The following CDK5RAP2 variants were observed in gnomAD, a reference collection of about 807,000 sequenced individuals.
CDK5RAP2 encodes CDK5 regulatory subunit associated protein 2, also known as CDK5 regulatory subunit-associated protein 2.
In CDK5RAP2, 147 loss-of-function variants were observed where a neutral mutation model predicts 232.9. The ratio of observed to expected loss-of-function variants is 0.63; its 90% CI spans 0.55 to 0.72. The LOEUF (loss-of-function observed/expected upper bound fraction) is 0.72, where lower values mean the gene tolerates loss of function less well. Among genes scored for constraint, CDK5RAP2 ranks in the 30% least tolerant of loss-of-function variants. CDK5RAP2 has a pLI of 0.00. For synonymous variants in CDK5RAP2, 833 were observed against 833.7 expected, an observed-to-expected ratio of 1.00 and a Z score of 0.01; for missense variants, 2,195 against 2,231.5, an observed-to-expected ratio of 0.98 and a Z score of 0.33.
chr9:120,515,731 A>G (rs1277655317), intron 12 of CDK5RAP2, among the ~76,000 whole-genome samples: 1 of 152,252 alleles, frequency 6.6e-6, no homozygotes, highest in Non-Finnish European at 1.5e-5. Context: ...CACTTCTCAA[A>G]AGAAGACATT....
chr9:120,572,524 C>T (rs533538122), intron 1 of CDK5RAP2, among the ~76,000 whole-genome samples: 1 of 152,206 alleles, frequency 6.6e-6, no homozygotes, highest in Non-Finnish European at 1.5e-5. Flanking sequence ...GGGAATCAGA[C>T]ACCAATTTAG....
At position 120,491,254 on chromosome 9, in the gene CDK5RAP2, A is replaced by T. The variant is rs574044479; in HGVS notation, c.1482+53T>A. On this transcript the variant is annotated intron_variant, in intron 13 of 37. Transcript: ENST00000349780. ...TATTTCTGCAAAAGAATTATTTTTT[A>T]AAAAAATCAACCCATGCCAAATTAA... 224 of 1,302,394 alleles carry T rather than the reference A, an allele frequency of 1.7e-4. 1 individual carries two copies. The highest frequency in any genetic ancestry group is 7.9e-4 in the Middle Eastern group (4 of 5,058). 80.7% of individuals were successfully genotyped at this position (1,302,394 alleles called of 1,614,324 possible).
intron 3 of CDK5RAP2, among the ~76,000 whole-genome samples, chr9:120,565,018 C>A (rs766916029): frequency 2.0e-5 from 3 of 152,134 alleles, no homozygotes; most frequent in Non-Finnish European, 2.9e-5. Flanking sequence ...GGTGATTATA[C>A]CCTCAGCTAA....
chr9:120,474,828 G>A (rs2037915440), intron 15 of CDK5RAP2, among the ~76,000 whole-genome samples: 1 of 152,140 alleles, frequency 6.6e-6, no homozygotes, highest in South Asian at 2.1e-4. Flanking sequence ...TGTCTTCAGG[G>A]TCATCCACCT....
chr9:120,478,463 C>A (rs1014489614), intron 14 of CDK5RAP2, among the ~76,000 whole-genome samples: 1 of 152,134 alleles, frequency 6.6e-6, no homozygotes, highest in African/African-American at 2.4e-5. Context: ...TAATATACAG[C>A]ATGATGACTA....
chr9:120,415,309 G>T, intron 27 of CDK5RAP2, 150 bp from the exon 28 acceptor site: 1 of 836,108 alleles, frequency 1.2e-6, no homozygotes, highest in Non-Finnish European at 1.9e-6. Flanking sequence ...CATGGGGAGG[G>T]TGAGCTATTT....
chr9:120,553,142 A>G (rs1454457876), intron 3 of CDK5RAP2, among the ~76,000 whole-genome samples: 1 of 152,230 alleles, frequency 6.6e-6, no homozygotes, highest in Admixed American at 6.5e-5. Context: ...GTAACACTGC[A>G]AAAGTACTGC....
intron 37 of CDK5RAP2, among the ~76,000 whole-genome samples, 198 bp downstream of exon 37, chr9:120,389,543 A>G (rs948060032): frequency 1.3e-5 from 2 of 152,224 alleles, no homozygotes; most frequent in African/African-American, 4.8e-5. Context: ...ATAGCATACA[A>G]ATTTAAAACT....
At position 120,466,494 on chromosome 9, in the gene CDK5RAP2, T is replaced by C. The variant is rs1027701776; in HGVS notation, c.2106+1366A>G. On this transcript the variant is annotated intron_variant, in intron 18 of 37. Coordinates refer to ENST00000349780, the MANE Select transcript of CDK5RAP2 (RefSeq NM_018249.6). ...GTTGGCTGATATTAAGATCTTAGGG[T>C]GGGAAAAGGAAAAATCCTTTTTCTC... is the stretch of plus-strand genomic sequence containing the variant. Among the ~76,000 whole-genome samples, 9 of 152,190 alleles carry C rather than the reference T, an allele frequency of 5.9e-5. 1 individual carries two copies. The highest frequency in any genetic ancestry group is 4.6e-4 in the Admixed American group (7 of 15,292).
At chr9:120,410,856 G>A (rs1235013166) in intron 29 of CDK5RAP2, among the ~76,000 whole-genome samples, 1 of 152,234 alleles carries the variant, frequency 6.6e-6, no homozygotes, top group Non-Finnish European at 1.5e-5. Flanking sequence ...GTTTTCAGTA[G>A]TGAAAGATAA....
chr9:120,416,301 C>T (rs759448655), intron 27 of CDK5RAP2, among the ~76,000 whole-genome samples: 3 of 152,172 alleles, frequency 2.0e-5, no homozygotes, highest in Admixed American at 6.5e-5. Context: ...ACTAAAAATT[C>T]GGTTCCCTCA....
At chr9:120,566,765 A>G (rs1313253716) in intron 3 of CDK5RAP2, among the ~76,000 whole-genome samples, 1 of 152,236 alleles carries the variant, frequency 6.6e-6, no homozygotes, top group Non-Finnish European at 1.5e-5. Flanking sequence ...CCAGAAGCCA[A>G]TGGGCCTTAG....
In CDK5RAP2 at chr9:120,471,731, T is replaced by C. The variant is rs554769272; in HGVS notation, c.1858+17A>G. 107 of 1,613,934 alleles carry C rather than the reference T, an allele frequency of 6.6e-5. No homozygotes were observed. Among genetic ancestry groups the C allele is most frequent in the East Asian group, 2.2e-4 (10 of 44,880 alleles). ...AGTGGAAAAACCAAAGAGAAGCACA[T>C]AGAATAAAGTGTGTACCTTCCCGCC... On this transcript the variant is annotated intron_variant, in intron 16 of 37. Coordinates refer to ENST00000349780, the MANE Select transcript of CDK5RAP2 (RefSeq NM_018249.6).
chr9:120,572,129 C>T, intron 1 of CDK5RAP2, 88 bp from the exon 2 acceptor site: 1 of 1,041,000 alleles, frequency 9.6e-7, no homozygotes, highest in Non-Finnish European at 1.5e-6. Flanking sequence ...TGACAATCAT[C>T]CCATGGCCAG....
intron 2 of CDK5RAP2, among the ~76,000 whole-genome samples, chr9:120,569,531 C>T (rs554490701): frequency 2.6e-5 from 4 of 152,258 alleles, no homozygotes; most frequent in East Asian, 1.9e-4. Context: ...GGAGAATTCT[C>T]CACATTCAGG....
At chr9:120,569,675 C>T (rs190078759) in intron 2 of CDK5RAP2, among the ~76,000 whole-genome samples, 29 of 152,268 alleles carry the variant, frequency 1.9e-4, no homozygotes, top group Non-Finnish European at 2.9e-4. Context: ...AGACTGTATA[C>T]GGTTTTTAGG....
chr9:120,411,299 T>C lies in CDK5RAP2; in HGVS notation c.4414+59A>G. The stretch of plus-strand genomic sequence containing the variant: ...TGGTCAGACTCCAATGCCTGCATTC[T>C]TTCCATGACACAGAAGGCTTTGGCG... On this transcript the variant is annotated intron_variant, in intron 29 of 37. Transcript: ENST00000349780. 3.8e-6 allele frequency: 4 copies of C among 1,053,032 alleles called. No homozygotes were observed. In the South Asian group the frequency reaches 5.0e-5, roughly 13 times the overall value. 65.2% of individuals were successfully genotyped at this position (1,053,032 alleles called of 1,614,324 possible). A position where few individuals can be genotyped will look rare whatever the true frequency, so the allele number is the denominator to read the frequency against.
At position 120,528,793 on chromosome 9, in the gene CDK5RAP2, G is replaced by A. The variant is rs764452414; in HGVS notation, c.830C>T (p.Ala277Val). The A allele has an allele frequency of 3.1e-6, 5 of 1,609,110 alleles. No individual in the cohort carries two copies. Among genetic ancestry groups the A allele is most frequent in the Non-Finnish European group, 1.7e-6 (2 of 1,175,494 alleles). The change falls in exon 9 of 38, where the codon GCA becomes GTA. Residue 277 changes from alanine (A) to valine (V), a missense_variant. Coordinates refer to ENST00000349780, the MANE Select transcript of CDK5RAP2 (RefSeq NM_018249.6). ...TCTCTCCTTCTGATGCTCCATTTGT[G>A]CAGCCTAAGAAAAGGCATTAATTGG... Reference protein sequence around the residue: ...REEKERETEAAQMEHQKERNS... With the variant: ...REEKERETEAVQMEHQKERNS...
intron 3 of CDK5RAP2, among the ~76,000 whole-genome samples, chr9:120,556,960 T>C (rs1414101396): frequency 6.6e-6 from 1 of 152,206 alleles, no homozygotes; most frequent in Non-Finnish European, 1.5e-5. Flanking sequence ...AGATGCTTCC[T>C]ATAAAGAGAA....
Sources: gnomAD v4.1 joint callset for allele counts (sites outside exome capture counted in the v4.1 genomes callset) on GRCh38, gnomAD v4.1.1 for gene constraint, MANE v1.5 for transcripts, NCBI Gene and HGNC (gene_info 2026-07-23, HGNC 2026-07-21) for gene names.